NKAIN2: variants seen among roughly 807,000 people sequenced by gnomAD.
NKAIN2 encodes the protein sodium/potassium-transporting ATPase subunit beta-1-interacting protein 2.
NKAIN2 carries 14 observed loss-of-function variants against 32.6 expected under a neutral mutation model. That is an observed-to-expected ratio of 0.43 (90% confidence interval 0.28 to 0.67). The LOEUF (loss-of-function observed/expected upper bound fraction) is 0.67. NKAIN2 is among the 30% of genes least tolerant of loss of function. The pLI is 0.17. For synonymous variants in NKAIN2, 80 were observed against 87.2 expected (o/e 0.92, Z 0.46); for missense variants, 198 against 258.3 (o/e 0.77, Z 1.60).
intron 1 of NKAIN2, among the ~76,000 whole-genome samples, chr6:124,149,231 G>A (rs1481457480): frequency 6.6e-6 from 1 of 152,042 alleles, no homozygotes; most frequent in East Asian, 1.9e-4. Context: ...TAGGTGATTT[G>A]CAAATAGTTT....
intron 1 of NKAIN2, among the ~76,000 whole-genome samples, chr6:124,108,975 A>G (rs747099520): frequency 1.1e-4 from 16 of 152,020 alleles, no homozygotes; most frequent in Non-Finnish European, 1.9e-4. Flanking sequence ...TAAGTACTGT[A>G]TTTTGAAGTC....
rs1483169521 is a variant in NKAIN2 at position 124,158,242 on chromosome 6, G to A, written c.55-124763G>A. 3.3e-5 allele frequency among the ~76,000 whole-genome samples: 5 copies of A among 151,854 alleles called. No individual in the cohort carries two copies. In the South Asian group the frequency reaches 6.3e-4, roughly 19 times the overall value. On this transcript the variant is annotated intron_variant, in intron 1 of 6. Transcript: ENST00000368417. ...TCTCTTCTTATGCATCCCTGGTGTC[G>A]CTGTGTGTCCTAATCACCTCTTCTT...
chr6:123,894,160 G>A (rs1007455017), intron 1 of NKAIN2, among the ~76,000 whole-genome samples: 2 of 151,800 alleles, frequency 1.3e-5, no homozygotes, highest in Admixed American at 1.3e-4. Context: ...TGTTTTTCAG[G>A]TGTCTCAAAA....
chr6:124,098,070 G>C (rs1237685788), intron 1 of NKAIN2, among the ~76,000 whole-genome samples: 1 of 152,118 alleles, frequency 6.6e-6, no homozygotes, highest in African/African-American at 2.4e-5. Flanking sequence ...AGATTCTGGA[G>C]CCTGTTAGGT....
chr6:124,191,249 A>G (rs987538657), intron 1 of NKAIN2, among the ~76,000 whole-genome samples: 4 of 152,186 alleles, frequency 2.6e-5, no homozygotes, highest in Non-Finnish European at 5.9e-5. Flanking sequence ...TGAATTTGGT[A>G]CAAATCTGAT....
At chr6:124,402,249 A>G (rs566044316) in intron 3 of NKAIN2, among the ~76,000 whole-genome samples, 2 of 152,272 alleles carry the variant, frequency 1.3e-5, no homozygotes, top group Admixed American at 1.3e-4. Flanking sequence ...TACCTTTCAC[A>G]TTATGATGTG....
intron 3 of NKAIN2, among the ~76,000 whole-genome samples, chr6:124,502,767 A>G (rs981653083): frequency 6.6e-6 from 1 of 152,118 alleles, no homozygotes; most frequent in Non-Finnish European, 1.5e-5. Context: ...TCCCAGAATC[A>G]CAGACTTTAG....
chr6:124,472,717 A>AT (rs557589223), intron 3 of NKAIN2, among the ~76,000 whole-genome samples: 266 of 59,762 alleles, frequency 4.5e-3, no homozygotes, highest in Admixed American at 8.5e-3. Flanking sequence ...GAGTAGGCAG[A>AT]TAAAAAAAAA....
At chr6:124,202,282 C>T (rs935031001) in intron 1 of NKAIN2, among the ~76,000 whole-genome samples, 2 of 151,964 alleles carry the variant, frequency 1.3e-5, no homozygotes, top group Non-Finnish European at 2.9e-5. Flanking sequence ...CATATCAGCT[C>T]TGCTGTGAAG....
chr6:124,692,094 A>G (rs1046032851), intron 4 of NKAIN2, among the ~76,000 whole-genome samples: 1 of 152,228 alleles, frequency 6.6e-6, no homozygotes, highest in Admixed American at 6.5e-5. Context: ...CTATTATAAA[A>G]TGTATTACTA....
At chr6:123,850,351 A>ATAT (rs34096841) in intron 1 of NKAIN2, among the ~76,000 whole-genome samples, 4 of 105,500 alleles carry the variant, frequency 3.8e-5, no homozygotes, top group South Asian at 3.2e-4. Context: ...TGAAAAAAAA[A>ATAT]AAAAATATAT....
chr6:123,828,012 C>T (rs1562204196), intron 1 of NKAIN2, among the ~76,000 whole-genome samples: 1 of 152,022 alleles, frequency 6.6e-6, no homozygotes, highest in Non-Finnish European at 1.5e-5. Context: ...TGAAATTTTA[C>T]TTCCCATTTG....
chr6:124,131,093 C>T (rs1786450243), intron 1 of NKAIN2, among the ~76,000 whole-genome samples: 1 of 152,116 alleles, frequency 6.6e-6, no homozygotes, highest in African/African-American at 2.4e-5. Context: ...AGTTATAAAT[C>T]AGAATTACTT....
At chr6:124,250,006 T>C (rs1038966468) in intron 1 of NKAIN2, among the ~76,000 whole-genome samples, 13 of 152,038 alleles carry the variant, frequency 8.6e-5, no homozygotes. Context: ...TTGAACCCAA[T>C]CTCCAATGTG....
intron 1 of NKAIN2, among the ~76,000 whole-genome samples, chr6:124,180,947 CTG>C (rs1424384812): frequency 6.6e-6 from 1 of 152,190 alleles, no homozygotes; most frequent in African/African-American, 2.4e-5. Context: ...AGTGGGGACT[CTG>C]TGAGGGGGCT....
intron 1 of NKAIN2, among the ~76,000 whole-genome samples, chr6:124,063,588 A>G (rs1167144609): frequency 6.6e-6 from 1 of 152,124 alleles, no homozygotes; most frequent in Non-Finnish European, 1.5e-5. Context: ...AGTGGCAAGC[A>G]TGGTCATTTA....
At chr6:124,169,723 T>C (rs981415890) in intron 1 of NKAIN2, among the ~76,000 whole-genome samples, 4 of 152,232 alleles carry the variant, frequency 2.6e-5, no homozygotes, top group South Asian at 2.1e-4. Context: ...TGGAAAATCT[T>C]ATCTCCATGC....
chr6:124,358,210 A>C (rs944822410), intron 3 of NKAIN2, among the ~76,000 whole-genome samples: 3 of 152,110 alleles, frequency 2.0e-5, no homozygotes, highest in Non-Finnish European at 4.4e-5. Context: ...AGTCTTTGCT[A>C]TTGTGAATAG....
intron 1 of NKAIN2, among the ~76,000 whole-genome samples, chr6:124,005,309 C>G (rs1780034168): frequency 6.6e-6 from 1 of 152,068 alleles, no homozygotes; most frequent in South Asian, 2.1e-4. Context: ...TGAATTCTTC[C>G]CTACTTTTTT....
Sources: gnomAD v4.1 joint callset for allele counts (sites outside exome capture counted in the v4.1 genomes callset) on GRCh38, gnomAD v4.1.1 for gene constraint, MANE v1.5 for transcripts, NCBI Gene and HGNC (gene_info 2026-07-23, HGNC 2026-07-21) for gene names.